The following ASCC1 variants were observed in gnomAD, a reference collection of about 807,000 sequenced individuals.
ASCC1 encodes ASC-1 complex subunit P50.
Under a neutral mutation model 46.6 loss-of-function variants are expected in ASCC1, and 35 were observed. The observed-to-expected ratio is 0.75, with a 90% CI of 0.57 to 0.99. The LOEUF (loss-of-function observed/expected upper bound fraction) is 0.99. Among genes scored for constraint, ASCC1 ranks in the 50% least tolerant of loss-of-function variants. ASCC1 has a pLI of 0.00. For synonymous variants in ASCC1, 143 were observed against 146.6 expected (o/e 0.98, Z 0.18); for missense variants, 376 against 428.7 (o/e 0.88, Z 1.09).
At chr10:72,216,957 A>G (rs754516582), upstream of ASCC1, 2 of 456,046 alleles carry the variant, frequency 4.4e-6, no homozygotes, top group Admixed American at 4.7e-5. Flanking sequence ...AAAGAAAAAA[A>G]TCCATAATGA....
chr10:72,116,341 T>C (rs965141582), intron 9 of ASCC1, among the ~76,000 whole-genome samples: 1 of 152,248 alleles, frequency 6.6e-6, no homozygotes, highest in Non-Finnish European at 1.5e-5. Flanking sequence ...GTTTAAAAAC[T>C]GTTAGGACTC....
chr10:72,104,243 C>T (rs1842107863), intron 9 of ASCC1, among the ~76,000 whole-genome samples: 1 of 152,122 alleles, frequency 6.6e-6, no homozygotes, highest in African/African-American at 2.4e-5. Context: ...GGAACGCTGA[C>T]CCAGACAACT....
intron 1 of ASCC1, chr10:72,215,824 T>C (rs892599942): frequency 1.3e-5 from 2 of 152,482 alleles, no homozygotes; most frequent in African/African-American, 4.8e-5. Context: ...AAGCTGTGTC[T>C]TTCTGCAATA....
chr10:72,135,434 A>G (rs558166263), intron 7 of ASCC1, among the ~76,000 whole-genome samples: 1 of 152,204 alleles, frequency 6.6e-6, no homozygotes, highest in South Asian at 2.1e-4. Context: ...CTGAGGGAAA[A>G]GCATTCTGGA....
intron 7 of ASCC1, among the ~76,000 whole-genome samples, chr10:72,140,758 T>C (rs1564635795): frequency 1.3e-5 from 2 of 152,168 alleles, no homozygotes; most frequent in African/African-American, 4.8e-5. Flanking sequence ...AAAAAGAGGC[T>C]TGGCTGTGAA....
intron 7 of ASCC1, among the ~76,000 whole-genome samples, chr10:72,152,195 G>T (rs141285231): frequency 0.11 from 15,986 of 140,258 alleles, 2,196 homozygotes; most frequent in African/African-American, 0.33. Context: ...TGTTTTTTGT[G>T]TTTTTTTTTT....
intron 7 of ASCC1, among the ~76,000 whole-genome samples, chr10:72,147,346 A>G (rs916896521): frequency 6.6e-6 from 1 of 151,928 alleles, no homozygotes; most frequent in African/African-American, 2.4e-5. Flanking sequence ...CTCTGCCTCC[A>G]GGGTTCAAGT....
At chr10:72,205,450 G>A (rs1039121348) in intron 3 of ASCC1, among the ~76,000 whole-genome samples, 5 of 152,110 alleles carry the variant, frequency 3.3e-5, no homozygotes, top group Non-Finnish European at 5.9e-5. Flanking sequence ...GGCCAACATG[G>A]TAAAACCCCA....
intron 9 of ASCC1, among the ~76,000 whole-genome samples, chr10:72,109,922 C>G (rs1340952356): frequency 6.6e-6 from 1 of 152,226 alleles, no homozygotes; most frequent in African/African-American, 2.4e-5. Flanking sequence ...CATTACGTCA[C>G]AGAATTAGCC....
intron 9 of ASCC1, among the ~76,000 whole-genome samples, chr10:72,112,256 A>C (rs1338902893): frequency 1.3e-5 from 2 of 152,238 alleles, no homozygotes; most frequent in Non-Finnish European, 2.9e-5. Flanking sequence ...ATAAGGAATG[A>C]AATTCTGACA....
At chr10:72,208,778 T>C (rs558942416) in intron 3 of ASCC1, among the ~76,000 whole-genome samples, 2 of 151,650 alleles carry the variant, frequency 1.3e-5, no homozygotes, top group East Asian at 2.0e-4. Flanking sequence ...TGTGTGTGTG[T>C]GTGTGTTTGT....
intron 7 of ASCC1, among the ~76,000 whole-genome samples, chr10:72,144,653 T>G (rs538991968): frequency 6.6e-6 from 1 of 152,148 alleles, no homozygotes; most frequent in Non-Finnish European, 1.5e-5. Flanking sequence ...ATTTTTACTA[T>G]GTACATTTAG....
chr10:72,155,335 T>C (rs906640228), intron 6 of ASCC1, among the ~76,000 whole-genome samples: 2 of 152,174 alleles, frequency 1.3e-5, no homozygotes, highest in Admixed American at 6.5e-5. Context: ...AATAATTCTA[T>C]TTATGGGACA....
At chr10:72,203,974 G>A (rs1480796862) in intron 3 of ASCC1, among the ~76,000 whole-genome samples, 2 of 151,996 alleles carry the variant, frequency 1.3e-5, no homozygotes, top group East Asian at 1.9e-4. Flanking sequence ...TTAGGCTGGC[G>A]GCAGTGGCTC....
intron 5 of ASCC1, among the ~76,000 whole-genome samples, 191 bp downstream of exon 5, chr10:72,196,620 A>G (rs1464205626): frequency 1.3e-5 from 2 of 152,082 alleles, no homozygotes; most frequent in African/African-American, 4.8e-5. Flanking sequence ...TTTCTGTAAT[A>G]TATAGAAACT....
rs1841114755 is a variant in ASCC1 at position 72,096,566 on chromosome 10, C to T, written c.*768G>A. On this transcript the variant is annotated 3_prime_UTR_variant, in exon 10 of 10. Transcript: ENST00000672957. ...TGGTTATTTTGCTAAAGATAAAACT[C>T]TGGGTGGTAAAGGAATTAAAGGCAG... The T allele has an allele frequency of 4.4e-6, 2 of 453,798 alleles. No homozygotes were observed. Among genetic ancestry groups the T allele is most frequent in the South Asian group, 1.6e-5 (1 of 64,482 alleles). 28.1% of individuals were successfully genotyped at this position (453,798 alleles called of 1,614,324 possible).
chr10:72,122,664 G>C (rs1465231987), intron 9 of ASCC1, among the ~76,000 whole-genome samples: 1 of 151,616 alleles, frequency 6.6e-6, no homozygotes, highest in Non-Finnish European at 1.5e-5. Context: ...TGTAGTCTCA[G>C]CTACTTGGGA....
intron 5 of ASCC1, among the ~76,000 whole-genome samples, chr10:72,195,183 A>G (rs1432509749): frequency 3.0e-5 from 3 of 99,580 alleles, no homozygotes; most frequent in African/African-American, 1.2e-4. Flanking sequence ...GTCTGGCTCC[A>G]TTGCCCAGGC....
intron 8 of ASCC1, among the ~76,000 whole-genome samples, chr10:72,131,347 G>A (rs1845562661): frequency 6.6e-6 from 1 of 151,874 alleles, no homozygotes; most frequent in African/African-American, 2.4e-5. Flanking sequence ...TCAACCTGGG[G>A]GGCGGAGGTT....
Sources: allele counts gnomAD v4.1 joint callset (sites outside exome capture counted in the v4.1 genomes callset), GRCh38; gene constraint gnomAD v4.1.1; transcripts MANE v1.5; gene names NCBI Gene and HGNC (gene_info 2026-07-23, HGNC 2026-07-21).